Variants in PDZRN3 observed in about 807,000 individuals in gnomAD.
PDZRN3 encodes PDZ domain containing ring finger 3.
Under a neutral mutation model 85.7 loss-of-function variants are expected in PDZRN3, and 38 were observed. That is an observed-to-expected ratio of 0.44 (90% CI 0.34 to 0.58). The LOEUF is 0.58. Among genes scored for constraint, PDZRN3 ranks in the 20% least tolerant of loss-of-function variants. The pLI is 0.01. For synonymous variants in PDZRN3, 759 were observed against 638.0 expected, an observed-to-expected ratio of 1.19 and a Z score of -2.86; for missense variants, 1,629 against 1,506.4, an observed-to-expected ratio of 1.08 and a Z score of -1.35.
intron 3 of PDZRN3, among the ~76,000 whole-genome samples, chr3:73,447,904 C>T (rs1370498091): frequency 6.6e-6 from 1 of 152,212 alleles, no homozygotes; most frequent in South Asian, 2.1e-4. Context: ...TACCCAGATC[C>T]CTCTGGTAAT....
chr3:73,433,433 C>A (rs1702471350), intron 3 of PDZRN3, among the ~76,000 whole-genome samples: 1 of 152,220 alleles, frequency 6.6e-6, no homozygotes, highest in Non-Finnish European at 1.5e-5. Flanking sequence ...TTTATATTTT[C>A]AAATGCAGGC....
At chr3:73,479,120 T>G (rs568673956) in intron 3 of PDZRN3, among the ~76,000 whole-genome samples, 4 of 152,306 alleles carry the variant, frequency 2.6e-5, no homozygotes, top group Non-Finnish European at 4.4e-5. Flanking sequence ...TCTCTGCTCC[T>G]TTGAGCTTAG....
intron 3 of PDZRN3, among the ~76,000 whole-genome samples, chr3:73,524,166 A>G (rs1385404366): frequency 6.6e-6 from 1 of 152,230 alleles, no homozygotes; most frequent in Admixed American, 6.5e-5. Flanking sequence ...GCAAAAAAGA[A>G]GGCATGGCAA....
intron 3 of PDZRN3, among the ~76,000 whole-genome samples, chr3:73,540,890 A>T (rs916969209): frequency 5.9e-5 from 9 of 152,248 alleles, no homozygotes; most frequent in Non-Finnish European, 1.0e-4. Flanking sequence ...ACTTACATTT[A>T]TTAATATTTT....
rs756553907 is a variant in PDZRN3 at position 73,384,864 on chromosome 3, CCTT to C, written c.1699_1701del (p.Lys567del). ...TCGTCGGTCCGCCCCACACCGCTGT[CCTT>C]CTCGTGCTGGTTGGACAAGATGGTG... On this transcript the variant is annotated inframe_deletion, in exon 10 of 10. Transcript: ENST00000263666. The C allele has an allele frequency of 2.4e-5, 38 of 1,614,030 alleles. No individual in the cohort carries two copies. The highest frequency in any genetic ancestry group is 3.3e-5 in the Admixed American group (2 of 60,018).
intron 3 of PDZRN3, among the ~76,000 whole-genome samples, chr3:73,508,367 A>C (rs1404471491): frequency 6.6e-6 from 1 of 152,206 alleles, no homozygotes; most frequent in African/African-American, 2.4e-5. Flanking sequence ...AGAAATCTGG[A>C]AACAGCAGTG....
In PDZRN3 at chr3:73,385,885, G is replaced by A; in HGVS notation, c.1519-100C>T. 5.4e-6 allele frequency: 4 copies of A among 740,058 alleles called. No homozygotes were observed. The South Asian group carries it at 6.5e-5, about 12-fold the overall frequency. 45.8% of individuals were successfully genotyped at this position (740,058 alleles called of 1,614,324 possible). ...TTACCTTGGGGGAAAATATTTCTAGGGCTTCCTCCAAGAGTCATCAAAATG... is the reference window on the plus strand; with the variant it reads ...TTACCTTGGGGGAAAATATTTCTAGAGCTTCCTCCAAGAGTCATCAAAATG... On this transcript the variant is annotated intron_variant, in intron 8 of 9. Transcript: ENST00000263666.
chr3:73,584,787 C>A lies in PDZRN3; in HGVS notation c.918+17567G>T, dbSNP rs985036657. 4.6e-5 allele frequency among the ~76,000 whole-genome samples: 7 copies of A among 152,094 alleles called. 1 individual carries two copies. The highest frequency in any genetic ancestry group is 3.9e-4 in the Admixed American group (6 of 15,262). On this transcript the variant is annotated intron_variant, in intron 3 of 9. Coordinates refer to ENST00000263666, the MANE Select transcript of PDZRN3 (RefSeq NM_015009.3). ...AGCAAAATGCTACATTAAATGCACT[C>A]AAAATTACCAATATATTTTGACATA...
intron 3 of PDZRN3, among the ~76,000 whole-genome samples, chr3:73,586,180 C>T (rs1011487080): frequency 6.6e-6 from 1 of 152,164 alleles, no homozygotes; most frequent in Non-Finnish European, 1.5e-5. Flanking sequence ...CTGGCAACCC[C>T]ATTCATTCCC....
At chr3:73,585,233 G>C (rs1264362019) in intron 3 of PDZRN3, among the ~76,000 whole-genome samples, 1 of 152,138 alleles carries the variant, frequency 6.6e-6, no homozygotes, top group African/African-American at 2.4e-5. Context: ...TAGAAAAACA[G>C]ATCAGAAATG....
intron 3 of PDZRN3, among the ~76,000 whole-genome samples, chr3:73,594,390 T>C (rs899928679): frequency 6.6e-6 from 1 of 152,210 alleles, no homozygotes; most frequent in African/African-American, 2.4e-5. Flanking sequence ...CTTCTATATT[T>C]GGCTTTAAGT....
intron 3 of PDZRN3, among the ~76,000 whole-genome samples, chr3:73,455,096 G>GT (rs1428487577): frequency 6.6e-6 from 1 of 152,062 alleles, no homozygotes; most frequent in Admixed American, 6.5e-5. Flanking sequence ...AGTTTTCACA[G>GT]TAAGTTTTTA....
intron 3 of PDZRN3, among the ~76,000 whole-genome samples, chr3:73,558,822 C>T (rs1474196654): frequency 6.6e-6 from 1 of 152,212 alleles, no homozygotes; most frequent in East Asian, 1.9e-4. Context: ...TCTCTTAAGC[C>T]TATGAGTTTC....
chr3:73,621,010 C>T (rs982865069), intron 1 of PDZRN3, among the ~76,000 whole-genome samples: 1 of 152,236 alleles, frequency 6.6e-6, no homozygotes, highest in Admixed American at 6.5e-5. Flanking sequence ...GTAAGCTCTT[C>T]GTCTAGCTTA....
intron 2 of PDZRN3, 125 bp downstream of exon 2, chr3:73,608,473 C>G: frequency 1.4e-6 from 1 of 702,054 alleles, no homozygotes; most frequent in South Asian, 1.6e-5. Context: ...CCAATGAACC[C>G]TCTAATGACA....
intron 5 of PDZRN3, among the ~76,000 whole-genome samples, chr3:73,399,775 C>T (rs1701713092): frequency 1.3e-5 from 2 of 152,154 alleles, no homozygotes; most frequent in African/African-American, 4.8e-5. Context: ...AGACCAGGTG[C>T]ATTTAGGGAA....
In PDZRN3 at chr3:73,404,128, T is replaced by C. The variant is rs1701806681; in HGVS notation, c.1166+20A>G. 1.2e-6 allele frequency: 2 copies of C among 1,606,772 alleles called. No individual in the cohort carries two copies. Among genetic ancestry groups the C allele is most frequent in the Non-Finnish European group, 1.7e-6 (2 of 1,175,288 alleles). On this transcript the variant is annotated intron_variant, in intron 4 of 9. Coordinates refer to ENST00000263666, the MANE Select transcript of PDZRN3 (RefSeq NM_015009.3). ...GAAATACTTCTTAATGCATTAGGGG[T>C]TCAAGATTAGGTTACTTACTCCTCT... is the stretch of plus-strand genomic sequence containing the variant.
At chr3:73,547,385 T>C (rs971018208) in intron 3 of PDZRN3, among the ~76,000 whole-genome samples, 1 of 152,220 alleles carries the variant, frequency 6.6e-6, no homozygotes, top group African/African-American at 2.4e-5. Flanking sequence ...CCTGGTATAG[T>C]TGTGGGTGCC....
At chr3:73,419,336 C>T (rs575750611) in intron 3 of PDZRN3, among the ~76,000 whole-genome samples, 6 of 152,100 alleles carry the variant, frequency 3.9e-5, no homozygotes, top group South Asian at 4.2e-4. Flanking sequence ...AAGGAGATGA[C>T]GGGGGTGACA....
Sources: gnomAD v4.1 joint callset for allele counts (sites outside exome capture counted in the v4.1 genomes callset) on GRCh38, gnomAD v4.1.1 for gene constraint, MANE v1.5 for transcripts, NCBI Gene and HGNC (gene_info 2026-07-23, HGNC 2026-07-21) for gene names.